Variants in MAPKAP1 observed in about 807,000 individuals in gnomAD.
MAPKAP1 encodes MAPK associated protein 1.
MAPKAP1 carries 20 observed loss-of-function variants against 65.7 expected under a neutral mutation model. That is an observed-to-expected ratio of 0.30 (90% CI 0.21 to 0.44). MAPKAP1 has a LOEUF of 0.44. Among genes scored for constraint, MAPKAP1 ranks in the 20% least tolerant of loss-of-function variants. The probability of loss-of-function intolerance (pLI) is 1.00; values close to 1 mark genes in which losing one functional copy is unlikely to be tolerated. For synonymous variants in MAPKAP1, 222 were observed against 244.3 expected, an observed-to-expected ratio of 0.91 and a Z score of 0.85; for missense variants, 423 against 648.0, an observed-to-expected ratio of 0.65 and a Z score of 3.77.
chr9:125,440,258 T>G (rs1319497146), intron 11 of MAPKAP1, among the ~76,000 whole-genome samples: 1 of 152,204 alleles, frequency 6.6e-6, no homozygotes, highest in African/African-American at 2.4e-5. Flanking sequence ...CAGATGCCAC[T>G]GTCATCCCCA....
chr9:125,526,786 CTT>C (rs1185754309), intron 7 of MAPKAP1, among the ~76,000 whole-genome samples: 1 of 141,270 alleles, frequency 7.1e-6, no homozygotes. Flanking sequence ...TTTCTTTTTT[CTT>C]TTTTTTTTTG....
At chr9:125,698,338 A>AT (rs1309686916) in intron 1 of MAPKAP1, among the ~76,000 whole-genome samples, 2 of 92,128 alleles carry the variant, frequency 2.2e-5, no homozygotes, top group Non-Finnish European at 4.7e-5. Context: ...TATATATATA[A>AT]AATATATATA....
rs183628021 is a variant in MAPKAP1 at position 125,486,672 on chromosome 9, C to G, written c.1067-2089G>C. Among the ~76,000 whole-genome samples, 432 of 152,274 alleles carry G rather than the reference C, an allele frequency of 2.8e-3. 1 individual carries two copies. Among genetic ancestry groups the G allele is most frequent in the Non-Finnish European group, 5.1e-3 (346 of 68,018 alleles). On this transcript the variant is annotated intron_variant, in intron 8 of 11. Coordinates refer to ENST00000265960, the MANE Select transcript of MAPKAP1 (RefSeq NM_001006617.3). ...TACAGTAATTCCCAACCTGGACCATCCCAGCACCCACAATAGTACTTTCCT... is the reference window on the plus strand; with the variant it reads ...TACAGTAATTCCCAACCTGGACCATGCCAGCACCCACAATAGTACTTTCCT...
intron 7 of MAPKAP1, among the ~76,000 whole-genome samples, chr9:125,536,564 T>C (rs976102313): frequency 4.1e-5 from 6 of 145,376 alleles, no homozygotes; most frequent in Non-Finnish European, 6.1e-5. Flanking sequence ...AAAGATCACT[T>C]AAACAGTTCT....
chr9:125,453,031 A>G (rs566514824), intron 10 of MAPKAP1, among the ~76,000 whole-genome samples: 1 of 152,186 alleles, frequency 6.6e-6, no homozygotes, highest in Admixed American at 6.5e-5. Context: ...TATCTCCCCA[A>G]AGTTAAATAA....
At chr9:125,687,933 T>C (rs1835033174) in intron 1 of MAPKAP1, among the ~76,000 whole-genome samples, 1 of 152,220 alleles carries the variant, frequency 6.6e-6, no homozygotes, top group Admixed American at 6.5e-5. Flanking sequence ...ATTCAACTCC[T>C]GATGAACAAA....
intron 9 of MAPKAP1, among the ~76,000 whole-genome samples, chr9:125,480,832 C>A (rs1228549361): frequency 6.6e-6 from 1 of 151,438 alleles, no homozygotes; most frequent in Non-Finnish European, 1.5e-5. Flanking sequence ...ATTAGCCGGG[C>A]GTGGTGGCAG....
intron 10 of MAPKAP1, among the ~76,000 whole-genome samples, chr9:125,456,904 GT>G (rs1249378992): frequency 1.3e-5 from 2 of 151,920 alleles, no homozygotes; most frequent in Non-Finnish European, 2.9e-5. Flanking sequence ...AAGCCACTAT[GT>G]TTTGGGGCAA....
intron 1 of MAPKAP1, among the ~76,000 whole-genome samples, chr9:125,679,470 T>C (rs961033819): frequency 6.6e-6 from 1 of 152,000 alleles, no homozygotes; most frequent in African/African-American, 2.4e-5. Flanking sequence ...CAAGAAACAA[T>C]CAGTGCATGT....
Position 125,707,123 on chromosome 9 carries a change from G to A in MAPKAP1, c.-222C>T. The stretch of plus-strand genomic sequence containing the variant: ...GCTCCTCCCGGCCCGCTCAGCTGCC[G>A]CTTCCCGGGTTAGCCCTCATGCCCC... On this transcript the variant is annotated 5_prime_UTR_variant, in exon 1 of 12. Coordinates refer to ENST00000265960, the MANE Select transcript of MAPKAP1 (RefSeq NM_001006617.3). 1 of 398,310 alleles carries A rather than the reference G, an allele frequency of 2.5e-6. No individual in the cohort carries two copies. The highest frequency in any genetic ancestry group is 4.4e-6 in the Non-Finnish European group (1 of 225,836). 24.7% of individuals were successfully genotyped at this position (398,310 alleles called of 1,614,324 possible).
At chr9:125,614,952 TATAAGG>T (rs773839728) in intron 4 of MAPKAP1, among the ~76,000 whole-genome samples, 6 of 152,014 alleles carry the variant, frequency 3.9e-5, no homozygotes, top group Non-Finnish European at 8.8e-5. Context: ...AAAAATAAAG[TATAAGG>T]ATTAGAAATA....
At chr9:125,692,882 GTCTTC>G (rs145501612) in intron 1 of MAPKAP1, among the ~76,000 whole-genome samples, 4,037 of 152,172 alleles carry the variant, frequency 0.027, 181 homozygotes, top group African/African-American at 0.093. Context: ...CAGTTTCCAA[GTCTTC>G]TCTTCTGGGG....
At chr9:125,484,704 C>A (rs1854436218) in intron 8 of MAPKAP1, 121 bp from the exon 9 acceptor site, 1 of 940,206 alleles carries the variant, frequency 1.1e-6, no homozygotes, top group Non-Finnish European at 1.5e-6. Flanking sequence ...GAAGAAAAGG[C>A]TGAGCGATGA....
intron 4 of MAPKAP1, among the ~76,000 whole-genome samples, chr9:125,651,707 T>C (rs1005257961): frequency 1.3e-5 from 2 of 152,214 alleles, no homozygotes; most frequent in Non-Finnish European, 2.9e-5. Flanking sequence ...TATCTCATAC[T>C]GGGCACTAAG....
At chr9:125,612,724 C>T (rs2131633298) in intron 4 of MAPKAP1, among the ~76,000 whole-genome samples, 1 of 152,322 alleles carries the variant, frequency 6.6e-6, no homozygotes, top group East Asian at 1.9e-4. Context: ...CTGGGAGACA[C>T]AGCAGAAGTA....
intron 4 of MAPKAP1, among the ~76,000 whole-genome samples, chr9:125,633,136 T>C (rs946445342): frequency 3.9e-5 from 6 of 152,202 alleles, no homozygotes; most frequent in Admixed American, 2.6e-4. Context: ...GAGAAGTCTA[T>C]GAAGTGTGAG....
intron 1 of MAPKAP1, among the ~76,000 whole-genome samples, chr9:125,693,838 T>TACACACACACACACAC (rs1197235568): frequency 8.5e-6 from 1 of 117,294 alleles, no homozygotes; most frequent in African/African-American, 5.0e-5. Context: ...CACATATATA[T>TACACACACACACACAC]ACACACATAC....
rs1054072834 is a variant in MAPKAP1 at position 125,607,387 on chromosome 9, A to C, written c.499-21660T>G. ...AACACTACAGCAGCTAATATTTATC[A>C]AACACTATAGGTCAGATATCACCCC... On this transcript the variant is annotated intron_variant, in intron 4 of 11. Coordinates refer to ENST00000265960, the MANE Select transcript of MAPKAP1 (RefSeq NM_001006617.3). 4.9e-4 allele frequency among the ~76,000 whole-genome samples: 74 copies of C among 152,364 alleles called. 1 individual carries two copies. Among genetic ancestry groups the C allele is most frequent in the African/African-American group, 1.7e-3 (72 of 41,586 alleles).
At chr9:125,659,826 T>C (rs1007923411) in intron 3 of MAPKAP1, among the ~76,000 whole-genome samples, 4 of 152,116 alleles carry the variant, frequency 2.6e-5, no homozygotes, top group Non-Finnish European at 5.9e-5. Flanking sequence ...CCAGTCCCTC[T>C]ACTTCCATTC....
Sources: gnomAD v4.1 joint callset for allele counts (sites outside exome capture counted in the v4.1 genomes callset) on GRCh38, gnomAD v4.1.1 for gene constraint, MANE v1.5 for transcripts, NCBI Gene and HGNC (gene_info 2026-07-23, HGNC 2026-07-21) for gene names.